Variants in ERCC8 observed in about 807,000 individuals in gnomAD.
The protein encoded by ERCC8 is DNA excision repair protein ERCC-8.
Under a neutral mutation model 54.9 loss-of-function variants are expected in ERCC8, and 52 were observed. The ratio of observed to expected loss-of-function variants is 0.95; its 90% confidence interval spans 0.76 to 1.19. ERCC8 has a LOEUF of 1.19. Ranked by LOEUF, ERCC8 falls within the 50% of genes most tolerant of loss-of-function variation. The pLI is 0.00. For missense variants in ERCC8, 514 were observed against 466.1 expected, an observed-to-expected ratio of 1.10 and a Z score of -0.95; for synonymous variants, 146 against 157.2, an observed-to-expected ratio of 0.93 and a Z score of 0.53.
rs2112495376 is a variant in ERCC8 at position 60,904,868 on chromosome 5, T to C, written c.405A>G (p.Ala135=). 1 of 1,488,318 alleles carries C rather than the reference T, an allele frequency of 6.7e-7. No individual in the cohort carries two copies. The highest frequency in any genetic ancestry group is 9.4e-7 in the Non-Finnish European group (1 of 1,066,038). 92.2% of individuals were successfully genotyped at this position (1,488,318 alleles called of 1,614,324 possible). A position where few individuals can be genotyped will look rare whatever the true frequency, so the allele number is the denominator to read the frequency against. Residue 135 remains alanine (A), a synonymous_variant, in exon 5 of 12, where the codon GCA becomes GCG. Coordinates refer to ENST00000676185, the MANE Select transcript of ERCC8 (RefSeq NM_000082.4). The part of the protein sequence containing the change: ...KVWDTNTLQT[A]DVFNFEETVY... Reference sequence around the variant, plus strand: ...CTGTTTCCTCAAAATTAAATACATCTGCAGTCTGGTAATCAAAAGACATTT... The same window carrying C: ...CTGTTTCCTCAAAATTAAATACATCCGCAGTCTGGTAATCAAAAGACATTT...
At chr5:60,891,225 A>G in intron 9 of ERCC8, 139 bp from the exon 10 acceptor site, 1 of 637,374 alleles carries the variant, frequency 1.6e-6, no homozygotes, top group Non-Finnish European at 2.7e-6. Context: ...CGTTGACAGA[A>G]CAAGGGCCAA....
Position 60,872,016 on chromosome 5 carries a change from G to A in ERCC8, c.*2599C>T, listed in dbSNP as rs1171412266. On this transcript the variant is annotated 3_prime_UTR_variant, in exon 12 of 12. Coordinates refer to ENST00000676185, the MANE Select transcript of ERCC8 (RefSeq NM_000082.4). ...GAGGTTTTGCCATGTTGCCCAGGCT[G>A]GTCTTGAACTCCTGAGCTCAAGTGA... Among the ~76,000 whole-genome samples the A allele has an allele frequency of 6.6e-6, 1 of 152,052 alleles. No individual in the cohort carries two copies. Among genetic ancestry groups the A allele is most frequent in the Admixed American group, 6.6e-5 (1 of 15,244 alleles).
intron 9 of ERCC8, among the ~76,000 whole-genome samples, chr5:60,893,910 C>T (rs1372189989): frequency 1.3e-5 from 2 of 152,080 alleles, no homozygotes; most frequent in African/African-American, 2.4e-5. Context: ...AACTCTTCAT[C>T]TTGCAAAATT....
In ERCC8 at chr5:60,887,529, T is replaced by G. The variant is rs759739190; in HGVS notation, c.1042-9A>C. ...CTACCACTATAAAGTTCCTATAACA[T>G]AGAAGGCAAAGATGATACTGTGGAT... On this transcript the variant is annotated splice_polypyrimidine_tract_variant and intron_variant, in intron 10 of 11. Coordinates refer to ENST00000676185, the MANE Select transcript of ERCC8 (RefSeq NM_000082.4). The G allele has an allele frequency of 1.5e-5, 24 of 1,606,916 alleles. No homozygotes were observed. Among genetic ancestry groups the G allele is most frequent in the Admixed American group, 3.3e-5 (2 of 59,980 alleles).
intron 4 of ERCC8, among the ~76,000 whole-genome samples, chr5:60,917,298 A>T (rs1043630344): frequency 2.0e-5 from 3 of 151,584 alleles, no homozygotes; most frequent in African/African-American, 7.3e-5. Context: ...GAGGTAGGGA[A>T]TACAACAGAT....
intron 7 of ERCC8, among the ~76,000 whole-genome samples, chr5:60,900,137 C>T (rs187711318): frequency 6.6e-6 from 1 of 152,010 alleles, no homozygotes; most frequent in East Asian, 1.9e-4. Flanking sequence ...CTCAAGAATC[C>T]ATTTGGTATG....
At chr5:60,938,951 TGTAAA>T (rs998251471) in intron 1 of ERCC8, among the ~76,000 whole-genome samples, 8 of 152,360 alleles carry the variant, frequency 5.3e-5, no homozygotes, top group South Asian at 4.1e-4. Context: ...TCAAGAATTT[TGTAAA>T]GTATTTTAAA....
At chr5:60,905,781 A>G (rs1189748151) in intron 4 of ERCC8, among the ~76,000 whole-genome samples, 1 of 152,232 alleles carries the variant, frequency 6.6e-6, no homozygotes, top group African/African-American at 2.4e-5. Context: ...TGGCCAGGCC[A>G]AGTGCGAGAT....
At position 60,870,091 on chromosome 5, in the gene ERCC8, TAACAA is replaced by T. The variant is rs144343445; in HGVS notation, c.*4519_*4523del. 5.3e-3 allele frequency among the ~76,000 whole-genome samples: 811 copies of T among 152,070 alleles called. 15 individuals are homozygous for T. The highest frequency in any genetic ancestry group is 0.052 in the East Asian group (267 of 5,166). ...TCTCCACTATATTTTTGCAAGTGCT[TAACAA>T]AACAAAACAAAACAAAACAAGGGTT... On this transcript the variant is annotated 3_prime_UTR_variant, in exon 12 of 12. Transcript: ENST00000676185.
rs370282917 is a variant in ERCC8, at chr5:60,902,826, A to G, written c.551-318T>C. 2.1e-4 allele frequency among the ~76,000 whole-genome samples: 32 copies of G among 152,184 alleles called. 1 individual carries two copies. In the East Asian group the frequency reaches 3.3e-3, roughly 16 times the overall value. On this transcript the variant is annotated intron_variant, in intron 6 of 11. Transcript: ENST00000676185. ...ATAACTCAAGCTCAATTACTGTAAT[A>G]AAACATATAAGATAAACATTTTAAA... is the stretch of plus-strand genomic sequence containing the variant.
At chr5:60,880,644 C>T (rs1748183308) in intron 11 of ERCC8, among the ~76,000 whole-genome samples, 1 of 152,206 alleles carries the variant, frequency 6.6e-6, no homozygotes, top group Non-Finnish European at 1.5e-5. Context: ...CCCTTTCTTC[C>T]AGTTGATCAA....
chr5:60,912,461 A>C (rs551551819), intron 4 of ERCC8, among the ~76,000 whole-genome samples: 34 of 152,190 alleles, frequency 2.2e-4, no homozygotes, highest in Non-Finnish European at 4.9e-4. Flanking sequence ...GACTTTGCTG[A>C]AGTTGCTTAT....
At chr5:60,909,405 A>G (rs1749186412) in intron 4 of ERCC8, among the ~76,000 whole-genome samples, 1 of 152,108 alleles carries the variant, frequency 6.6e-6, no homozygotes. Flanking sequence ...ACACACAAAA[A>G]TTACGATGTA....
At chr5:60,878,866 C>A (rs1336481721) in intron 11 of ERCC8, among the ~76,000 whole-genome samples, 1 of 152,170 alleles carries the variant, frequency 6.6e-6, no homozygotes, top group Non-Finnish European at 1.5e-5. Flanking sequence ...GTCTCTATTT[C>A]CTTCAGTTCT....
At position 60,874,543 on chromosome 5, in the gene ERCC8, C is replaced by T. The variant is rs1250578969; in HGVS notation, c.*72G>A. ...GGCTAATTTAGCTGTCAGGAATAGA[C>T]CATACAGTTGAAAAAAACACAGTCT... On this transcript the variant is annotated 3_prime_UTR_variant, in exon 12 of 12. Transcript: ENST00000676185. The T allele has an allele frequency of 7.6e-7, 1 of 1,313,978 alleles. No homozygotes were observed. Among genetic ancestry groups the T allele is most frequent in the Admixed American group, 1.8e-5 (1 of 56,528 alleles). 81.4% of individuals were successfully genotyped at this position (1,313,978 alleles called of 1,614,324 possible). A position where few individuals can be genotyped will look rare whatever the true frequency, so the allele number is the denominator to read the frequency against.
In ERCC8 at chr5:60,869,455, G is replaced by A. The variant is rs546804259; in HGVS notation, c.*5160C>T. Among the ~76,000 whole-genome samples, 12 of 152,222 alleles carry A rather than the reference G, an allele frequency of 7.9e-5. No homozygotes were observed. Among genetic ancestry groups the A allele is most frequent in the South Asian group, 2.1e-4 (1 of 4,828 alleles). ...TATGTGTCTCTTACTGAAGAGCTTC[G>A]TTTTGAAATTACTTTATCTATTATT... is the stretch of plus-strand genomic sequence containing the variant. On this transcript the variant is annotated 3_prime_UTR_variant, in exon 12 of 12. Coordinates refer to ENST00000676185, the MANE Select transcript of ERCC8 (RefSeq NM_000082.4).
intron 3 of ERCC8, among the ~76,000 whole-genome samples, chr5:60,920,641 T>C (rs1749574873): frequency 1.3e-5 from 2 of 151,934 alleles, no homozygotes; most frequent in South Asian, 4.1e-4. Flanking sequence ...AATGTTATTA[T>C]AACTCATTTT....
chr5:60,902,848 T>C (rs571665094), intron 6 of ERCC8, among the ~76,000 whole-genome samples: 39 of 152,130 alleles, frequency 2.6e-4, no homozygotes, highest in Non-Finnish European at 5.0e-4. Flanking sequence ...ATAAACATTT[T>C]AAAGGATAAA....
intron 11 of ERCC8, among the ~76,000 whole-genome samples, chr5:60,882,767 A>T (rs1055405288): frequency 2.0e-5 from 3 of 152,190 alleles, no homozygotes; most frequent in African/African-American, 4.8e-5. Flanking sequence ...TGTATACTGA[A>T]GTCTGTTCAT....
Sources: allele counts gnomAD v4.1 joint callset (sites outside exome capture counted in the v4.1 genomes callset), GRCh38; gene constraint gnomAD v4.1.1; transcripts MANE v1.5; gene names NCBI Gene and HGNC (gene_info 2026-07-23, HGNC 2026-07-21).